The following CELA2B variants were observed in gnomAD, a reference collection of about 807,000 sequenced individuals.
CELA2B encodes the protein chymotrypsin like elastase 2B.
Under a neutral mutation model 36.5 loss-of-function variants are expected in CELA2B, and 27 were observed. The observed-to-expected ratio is 0.74, with a 90% CI of 0.55 to 1.02. The LOEUF is 1.02. CELA2B is among the 50% of genes least tolerant of loss of function. The probability of loss-of-function intolerance (pLI) is 0.00; values close to 1 mark genes in which losing one functional copy is unlikely to be tolerated. For synonymous variants in CELA2B, 143 were observed against 148.5 expected (o/e 0.96, Z 0.27); for missense variants, 340 against 347.8 (o/e 0.98, Z 0.18).
chr1:15,483,117 A>G, intron 4 of CELA2B, 147 bp from the exon 5 acceptor site: 1 of 1,287,618 alleles, frequency 7.8e-7, no homozygotes, highest in Non-Finnish European at 1.1e-6. Context: ...GACCCTCTAC[A>G]TTTTCAAACA....
intron 3 of CELA2B, 146 bp downstream of exon 3, chr1:15,481,341 A>C: frequency 1.0e-6 from 1 of 993,298 alleles, no homozygotes; most frequent in Non-Finnish European, 1.6e-6. Flanking sequence ...TAGTCAATCA[A>C]TGGTTCAGTG....
In CELA2B at chr1:15,486,827, G is replaced by A. The variant is rs193041924; in HGVS notation, c.640-458G>A. ...AGTGAAGTGGGGATGGAGTAGGAAGGAGATCCACACGCCCTTCAGATCACA... is the reference window on the plus strand; with the variant it reads ...AGTGAAGTGGGGATGGAGTAGGAAGAAGATCCACACGCCCTTCAGATCACA... On this transcript the variant is annotated intron_variant, in intron 6 of 7. Coordinates refer to ENST00000375910, the MANE Select transcript of CELA2B (RefSeq NM_015849.3). Among the ~76,000 whole-genome samples, 78 of 152,276 alleles carry A rather than the reference G, an allele frequency of 5.1e-4. 1 individual carries two copies. The highest frequency in any genetic ancestry group is 1.8e-3 in the African/African-American group (76 of 41,554).
intron 7 of CELA2B, among the ~76,000 whole-genome samples, chr1:15,489,550 C>A (rs1195776841): frequency 6.6e-6 from 1 of 152,170 alleles, no homozygotes; most frequent in African/African-American, 2.4e-5. Context: ...GAGTCACGTA[C>A]CACTAGAGCC....
At chr1:15,482,029 A>T (rs1201042253) in intron 3 of CELA2B, among the ~76,000 whole-genome samples, 1 of 152,190 alleles carries the variant, frequency 6.6e-6, no homozygotes, top group Non-Finnish European at 1.5e-5. Context: ...GTGCTATTAC[A>T]ACATTAATTT....
At chr1:15,487,493 G>C (rs1708820354) in intron 7 of CELA2B, 56 bp downstream of exon 7, 10 of 1,598,090 alleles carry the variant, frequency 6.3e-6, no homozygotes, top group Non-Finnish European at 8.6e-6. Context: ...CCTGGCCTCG[G>C]GAGTGCCATG....
At chr1:15,487,219 A>G in intron 6 of CELA2B, 66 bp from the exon 7 acceptor site, 1 of 1,456,834 alleles carries the variant, frequency 6.9e-7, no homozygotes, top group East Asian at 2.3e-5. Context: ...ATGCATTGAG[A>G]ACAATGGTTC....
At chr1:15,483,845 T>A (rs755201039) in intron 5 of CELA2B, among the ~76,000 whole-genome samples, 1 of 151,792 alleles carries the variant, frequency 6.6e-6, no homozygotes, top group Admixed American at 6.6e-5. Context: ...ACAAGAATCA[T>A]TTCAATCTAG....
intron 7 of CELA2B, chr1:15,491,054 C>T (rs749928087): frequency 1.8e-4 from 99 of 539,550 alleles, no homozygotes; most frequent in Non-Finnish European, 1.2e-4. Context: ...GACCTGAAGC[C>T]CACACAGGAC....
Position 15,487,361 on chromosome 1 carries a change from C to T in CELA2B, c.716C>T (p.Ser239Leu), listed in dbSNP as rs373407604. ...GTGCATGGCATCGGCAGCCTCACGT[C>T]GGTCCTTGGTTGCAACTACTACTAC... ...WEVHGIGSLT[S>L]VLGCNYYYKP... Residue 239 changes from serine to leucine, a missense_variant, in exon 7 of 8, where the codon TCG becomes TTG. Coordinates refer to ENST00000375910, the MANE Select transcript of CELA2B (RefSeq NM_015849.3). 97 of 1,614,204 alleles carry T rather than the reference C, an allele frequency of 6.0e-5. No homozygotes were observed. The South Asian group carries it at 8.0e-4, about 13-fold the overall frequency.
At chr1:15,490,220 A>T (rs1408695444) in intron 7 of CELA2B, among the ~76,000 whole-genome samples, 1 of 148,512 alleles carries the variant, frequency 6.7e-6, no homozygotes, top group Non-Finnish European at 1.5e-5. Flanking sequence ...CTTTATGTGC[A>T]TATCTATCTA....
At chr1:15,486,071 C>G (rs201229614) in intron 6 of CELA2B, 25 bp downstream of exon 6, 20 of 1,603,898 alleles carry the variant, frequency 1.2e-5, no homozygotes, top group Non-Finnish European at 1.7e-5. Context: ...TCAGGGGCCC[C>G]GCTCCATGAC....
rs749582741 is a variant in CELA2B at position 15,486,000 on chromosome 1, C to T, written c.593C>T (p.Thr198Met). The change falls in exon 6 of 8, where the codon ACG becomes ATG. Residue 198 changes from threonine (T) to methionine (M), a missense_variant. Transcript: ENST00000375910. ...SSGWWGSTVK[T>M]NMICAGGDGV... ...GGCTGGTGGGGCAGCACCGTGAAGA[C>T]GAATATGATCTGTGCTGGGGGTGAT... is the stretch of plus-strand genomic sequence containing the variant. 2.4e-5 allele frequency: 39 copies of T among 1,614,124 alleles called. No homozygotes were observed. Among genetic ancestry groups the T allele is most frequent in the Non-Finnish European group, 2.8e-5 (33 of 1,180,026 alleles).
intron 4 of CELA2B, 89 bp from the exon 5 acceptor site, chr1:15,483,175 G>A: frequency 6.3e-7 from 1 of 1,581,026 alleles, no homozygotes; most frequent in South Asian, 1.2e-5. Context: ...AACGTACAGG[G>A]AAGATGACAA....
chr1:15,487,526 C>G (rs1345113463), intron 7 of CELA2B, 89 bp downstream of exon 7: 5 of 1,518,500 alleles, frequency 3.3e-6, no homozygotes, highest in Non-Finnish European at 4.5e-6. Flanking sequence ...CTGAGAACCC[C>G]CTCCTTCCTC....
chr1:15,482,123 T>G, intron 3 of CELA2B, 142 bp from the exon 4 acceptor site: 1 of 926,112 alleles, frequency 1.1e-6, no homozygotes, highest in South Asian at 1.6e-5. Context: ...CTATGATAAC[T>G]AACTGACTGT....
chr1:15,481,377 A>G (rs1397765437), intron 3 of CELA2B, among the ~76,000 whole-genome samples, 182 bp downstream of exon 3: 1 of 152,194 alleles, frequency 6.6e-6, no homozygotes, highest in Non-Finnish European at 1.5e-5. Flanking sequence ...GGGTCATTTC[A>G]TGGCATGGAT....
chr1:15,491,135 C>A, intron 7 of CELA2B, 160 bp from the exon 8 acceptor site: 1 of 776,358 alleles, frequency 1.3e-6, no homozygotes, highest in Non-Finnish European at 2.2e-6. Flanking sequence ...ATCTTTTTCT[C>A]CGAAACATCA....
intron 7 of CELA2B, among the ~76,000 whole-genome samples, chr1:15,488,960 A>C (rs560186226): frequency 4.6e-5 from 7 of 152,384 alleles, no homozygotes; most frequent in Admixed American, 4.6e-4. Context: ...ATGGAAAATC[A>C]AAAAGACAGT....
chr1:15,490,205 C>G (rs1327817617), intron 7 of CELA2B, among the ~76,000 whole-genome samples: 1 of 150,080 alleles, frequency 6.7e-6, no homozygotes, highest in East Asian at 1.9e-4. Context: ...GTGTGGTCTT[C>G]TCAACTTTAT....
Sources: allele counts gnomAD v4.1 joint callset (sites outside exome capture counted in the v4.1 genomes callset), GRCh38; gene constraint gnomAD v4.1.1; transcripts MANE v1.5; gene names NCBI Gene and HGNC (gene_info 2026-07-23, HGNC 2026-07-21).